The following CNTN4 variants were observed in gnomAD, a reference collection of about 807,000 sequenced individuals.
CNTN4 encodes the protein contactin 4.
A neutral mutation model predicts 122.5 loss-of-function variants in CNTN4; 77 were observed. The observed-to-expected ratio is 0.63, with a 90% CI of 0.52 to 0.76. The LOEUF (loss-of-function observed/expected upper bound fraction) is 0.76, where lower values mean the gene tolerates loss of function less well. Among genes scored for constraint, CNTN4 ranks in the 30% least tolerant of loss-of-function variants. CNTN4 has a pLI of 0.00. For synonymous variants in CNTN4, 512 were observed against 447.0 expected, an observed-to-expected ratio of 1.15 and a Z score of -1.83; for missense variants, 1,256 against 1,259.1, an observed-to-expected ratio of 1.00 and a Z score of 0.04.
chr3:2,116,962 T>C (rs1291127943), intron 2 of CNTN4, among the ~76,000 whole-genome samples: 14 of 152,136 alleles, frequency 9.2e-5, no homozygotes, highest in Non-Finnish European at 2.1e-4. Context: ...TGTGACCAAA[T>C]TTGTGGGGGA....
intron 17 of CNTN4, among the ~76,000 whole-genome samples, chr3:3,036,869 A>G (rs746872409): frequency 3.9e-5 from 6 of 152,228 alleles, no homozygotes; most frequent in Non-Finnish European, 8.8e-5. Flanking sequence ...GCACTATACA[A>G]TAAATGCGGA....
chr3:2,629,539 C>T (rs200817978), intron 4 of CNTN4: 3 of 453,306 alleles, frequency 6.6e-6, no homozygotes, highest in Non-Finnish European at 1.3e-5. Flanking sequence ...CACAGACTGA[C>T]TTCTGGTCCT....
chr3:2,584,942 T>C lies in CNTN4; in HGVS notation c.55+13384T>C, dbSNP rs557862797. Among the ~76,000 whole-genome samples, 35 of 151,996 alleles carry C rather than the reference T, an allele frequency of 2.3e-4. 1 individual carries two copies. In the South Asian group the frequency reaches 7.3e-3, roughly 32 times the overall value. On this transcript the variant is annotated intron_variant, in intron 4 of 24. Coordinates refer to ENST00000418658, the MANE Select transcript of CNTN4 (RefSeq NM_175607.3). ...GTAGATAGATAGATAGATAGATAGATAGACAGAAAAAAATGTATATAAGCA... is the reference window on the plus strand; with the variant it reads ...GTAGATAGATAGATAGATAGATAGACAGACAGAAAAAAATGTATATAAGCA...
At chr3:2,703,217 G>T (rs1052667583) in intron 4 of CNTN4, among the ~76,000 whole-genome samples, 2 of 152,216 alleles carry the variant, frequency 1.3e-5, no homozygotes, top group East Asian at 3.9e-4. Flanking sequence ...TCATATTTAC[G>T]TCATGTATGC....
At chr3:2,388,388 C>T (rs1302363756) in intron 3 of CNTN4, among the ~76,000 whole-genome samples, 1 of 152,132 alleles carries the variant, frequency 6.6e-6, no homozygotes, top group Non-Finnish European at 1.5e-5. Flanking sequence ...TTTGGGATAC[C>T]ATGTTGCAAA....
chr3:2,785,276 T>C (rs2091768786), intron 6 of CNTN4, among the ~76,000 whole-genome samples: 1 of 152,088 alleles, frequency 6.6e-6, no homozygotes, highest in African/African-American at 2.4e-5. Context: ...CCAGTCCAAG[T>C]CTGAATGCTT....
At chr3:2,802,833 C>T (rs1033060534) in intron 6 of CNTN4, among the ~76,000 whole-genome samples, 16 of 151,284 alleles carry the variant, frequency 1.1e-4, no homozygotes, top group Non-Finnish European at 2.2e-4. Context: ...AATGACTTGA[C>T]TTAAATGAGA....
At chr3:2,206,249 T>C (rs921242808) in intron 2 of CNTN4, among the ~76,000 whole-genome samples, 1 of 152,246 alleles carries the variant, frequency 6.6e-6, no homozygotes, top group Admixed American at 6.6e-5. Flanking sequence ...TCAAAGCTAA[T>C]ACTGTCAACT....
At chr3:2,576,417 C>G (rs752959630) in intron 4 of CNTN4, among the ~76,000 whole-genome samples, 1 of 152,162 alleles carries the variant, frequency 6.6e-6, no homozygotes, top group Non-Finnish European at 1.5e-5. Context: ...TGATGCTAAT[C>G]CATACATGTT....
chr3:3,047,387 C>G (rs1427502812), intron 23 of CNTN4, among the ~76,000 whole-genome samples: 1 of 152,184 alleles, frequency 6.6e-6, no homozygotes, highest in Admixed American at 6.5e-5. Flanking sequence ...GTAAAGCACT[C>G]CTCAGCAAAT....
chr3:2,360,216 A>G (rs978179819), intron 3 of CNTN4, among the ~76,000 whole-genome samples: 1 of 152,236 alleles, frequency 6.6e-6, no homozygotes, highest in Non-Finnish European at 1.5e-5. Flanking sequence ...AGAGAAATCT[A>G]TTCTGTTTGA....
intron 2 of CNTN4, among the ~76,000 whole-genome samples, chr3:2,330,637 C>A (rs538075551): frequency 1.3e-5 from 2 of 152,192 alleles, no homozygotes; most frequent in African/African-American, 4.8e-5. Context: ...CACAGAGAAT[C>A]TAAGTAATTT....
chr3:2,903,094 C>G (rs573420794), intron 12 of CNTN4, 89 bp downstream of exon 12: 1 of 1,344,654 alleles, frequency 7.4e-7, no homozygotes, highest in African/African-American at 1.5e-5. Flanking sequence ...ATGTTCAATC[C>G]AAGAAAAGGA....
intron 6 of CNTN4, among the ~76,000 whole-genome samples, chr3:2,762,704 G>A (rs906667872): frequency 2.6e-5 from 4 of 152,150 alleles, no homozygotes; most frequent in African/African-American, 9.7e-5. Context: ...TAATGGGAAT[G>A]CTGGGTCGAA....
At chr3:2,424,381 C>A (rs754085555) in intron 3 of CNTN4, among the ~76,000 whole-genome samples, 1 of 152,034 alleles carries the variant, frequency 6.6e-6, no homozygotes, top group Non-Finnish European at 1.5e-5. Context: ...CATGTTCCTA[C>A]AAAGGACATG....
chr3:2,252,246 A>G (rs1178534883), intron 2 of CNTN4, among the ~76,000 whole-genome samples: 1 of 152,022 alleles, frequency 6.6e-6, no homozygotes, highest in African/African-American at 2.4e-5. Context: ...TTTTATTATA[A>G]TGTATTAAGT....
intron 2 of CNTN4, among the ~76,000 whole-genome samples, chr3:2,162,579 G>C (rs1353880946): frequency 6.6e-6 from 1 of 152,144 alleles, no homozygotes; most frequent in African/African-American, 2.4e-5. Flanking sequence ...AAGAGATGTG[G>C]GGGAGCTGTT....
At chr3:2,602,533 G>A (rs1482062768) in intron 4 of CNTN4, among the ~76,000 whole-genome samples, 1 of 152,060 alleles carries the variant, frequency 6.6e-6, no homozygotes, top group Non-Finnish European at 1.5e-5. Flanking sequence ...AACTTACAAG[G>A]GATGTGAAGG....
chr3:2,670,513 A>G (rs1444449761), intron 4 of CNTN4, among the ~76,000 whole-genome samples: 2 of 152,054 alleles, frequency 1.3e-5, no homozygotes, highest in Non-Finnish European at 2.9e-5. Context: ...GGTTTCCTAA[A>G]TATAGCACAC....
Sources: allele counts gnomAD v4.1 joint callset (sites outside exome capture counted in the v4.1 genomes callset), GRCh38; gene constraint gnomAD v4.1.1; transcripts MANE v1.5; gene names NCBI Gene and HGNC (gene_info 2026-07-23, HGNC 2026-07-21).